FAM227A: variants seen among roughly 807,000 people sequenced by gnomAD.
FAM227A encodes the protein protein FAM227A.
In FAM227A, 80 loss-of-function variants were observed where a neutral mutation model predicts 74.7. That is an observed-to-expected ratio of 1.07 (90% CI 0.89 to 1.29). The LOEUF is 1.29. Ranked by LOEUF, FAM227A falls within the 50% of genes most tolerant of loss-of-function variation. The probability of loss-of-function intolerance (pLI) is 0.00; values close to 1 mark genes in which losing one functional copy is unlikely to be tolerated. For missense variants in FAM227A, 654 were observed against 683.4 expected (o/e 0.96, Z 0.48); for synonymous variants, 237 against 241.8 (o/e 0.98, Z 0.19).
intron 4 of FAM227A, among the ~76,000 whole-genome samples, chr22:38,639,353 G>A (rs1438304582): frequency 6.6e-6 from 1 of 150,722 alleles, no homozygotes; most frequent in East Asian, 2.0e-4. Flanking sequence ...AGGTTGCAGT[G>A]AGCAGAGATT....
At chr22:38,597,859 C>A (rs2091081725) in intron 14 of FAM227A, among the ~76,000 whole-genome samples, 1 of 152,008 alleles carries the variant, frequency 6.6e-6, no homozygotes, top group Non-Finnish European at 1.5e-5. Context: ...CTGGCTAACA[C>A]TGTGAAATCC....
In FAM227A at chr22:38,582,149, A is replaced by G. The variant is rs1204819252; in HGVS notation, c.*3976T>C. Reference sequence around the variant, plus strand: ...ATACACCCATGAGCCATTCACCACAATCAAGATAGTAGACATATCTGTCAC... The same window carrying G: ...ATACACCCATGAGCCATTCACCACAGTCAAGATAGTAGACATATCTGTCAC... On this transcript the variant is annotated 3_prime_UTR_variant, in exon 17 of 17. Transcript: ENST00000535113. 1.7e-6 allele frequency: 1 copy of G among 596,310 alleles called. No homozygotes were observed. Among genetic ancestry groups the G allele is most frequent in the East Asian group, 2.8e-5 (1 of 35,878 alleles). The allele number at this position is 596,310 out of a possible 1,614,324, so 36.9% of individuals were successfully genotyped here.
At chr22:38,648,057 C>T (rs1166529179) in intron 2 of FAM227A, among the ~76,000 whole-genome samples, 2 of 151,992 alleles carry the variant, frequency 1.3e-5, no homozygotes, top group Non-Finnish European at 2.9e-5. Flanking sequence ...AAATGAGCTC[C>T]ACAGGAGATG....
chr22:38,630,235 T>A (rs551208717), intron 6 of FAM227A, among the ~76,000 whole-genome samples: 1 of 152,366 alleles, frequency 6.6e-6, no homozygotes, highest in East Asian at 1.9e-4. Context: ...CCGGTGGCAT[T>A]GCCCTGCAGC....
chr22:38,623,052 G>T, intron 10 of FAM227A, 120 bp downstream of exon 10: 1 of 679,898 alleles, frequency 1.5e-6, no homozygotes, highest in Non-Finnish European at 2.5e-6. Context: ...GCTAATTTGG[G>T]GGTACCCGAG....
intron 3 of FAM227A, among the ~76,000 whole-genome samples, chr22:38,640,179 G>A (rs1603048842): frequency 6.6e-6 from 1 of 151,816 alleles, no homozygotes; most frequent in African/African-American, 2.4e-5. Flanking sequence ...GACTACAGGC[G>A]CCTGCCACCA....
At chr22:38,642,956 AC>A (rs1479178036) in intron 3 of FAM227A, among the ~76,000 whole-genome samples, 2 of 152,150 alleles carry the variant, frequency 1.3e-5, no homozygotes, top group East Asian at 1.9e-4. Flanking sequence ...AAACAAAAAA[AC>A]AACCCAAAAC....
At chr22:38,593,524 AC>A (rs1195098000) in intron 15 of FAM227A, among the ~76,000 whole-genome samples, 1 of 152,090 alleles carries the variant, frequency 6.6e-6, no homozygotes, top group Non-Finnish European at 1.5e-5. Context: ...ACAAAACAAA[AC>A]AAAAAAAGAA....
At chr22:38,637,962 T>C (rs1295185010) in intron 5 of FAM227A, among the ~76,000 whole-genome samples, 1 of 151,974 alleles carries the variant, frequency 6.6e-6, no homozygotes, top group African/African-American at 2.4e-5. Context: ...AGGTCAAGAG[T>C]TCGAGACCAG....
At chr22:38,628,445 T>C in intron 7 of FAM227A, 103 bp from the exon 8 acceptor site, 1 of 746,530 alleles carries the variant, frequency 1.3e-6, no homozygotes, top group Admixed American at 2.6e-5. Context: ...CCAAGAATCT[T>C]ATTCTCAAGA....
chr22:38,614,629 A>G (rs1365696268), intron 11 of FAM227A, among the ~76,000 whole-genome samples: 3 of 152,142 alleles, frequency 2.0e-5, no homozygotes, highest in African/African-American at 7.2e-5. Context: ...CCCACCACAA[A>G]ACCCAATTAC....
intron 13 of FAM227A, among the ~76,000 whole-genome samples, chr22:38,602,060 G>C (rs16999135): frequency 0.079 from 12,085 of 152,106 alleles, 648 homozygotes; most frequent in East Asian, 0.19. Context: ...TACCTTAATG[G>C]AACAAAAATT....
chr22:38,599,241 G>A (rs544419703), intron 14 of FAM227A, among the ~76,000 whole-genome samples: 11 of 152,172 alleles, frequency 7.2e-5, no homozygotes, highest in East Asian at 1.9e-4. Context: ...GATTACAGGC[G>A]TGAGCTACCA....
chr22:38,625,617 G>GC (rs960040476), intron 9 of FAM227A, among the ~76,000 whole-genome samples: 1 of 151,874 alleles, frequency 6.6e-6, no homozygotes, highest in Non-Finnish European at 1.5e-5. Flanking sequence ...TTAGGATATG[G>GC]CCCCTCACTC....
At chr22:38,590,152 G>A (rs1169045398) in intron 16 of FAM227A, among the ~76,000 whole-genome samples, 4 of 151,360 alleles carry the variant, frequency 2.6e-5, no homozygotes, top group Non-Finnish European at 4.4e-5. Context: ...GGTGGCACGC[G>A]CCTGTAGTCC....
rs762882588 is a variant in FAM227A at position 38,628,940 on chromosome 22, G to GA, written c.520-6dup. ...TTCTCTACCTGAACAGAAATGCTTG[G>GA]AAAAAAAAATTCACAGTATTATTAT... On this transcript the variant is annotated splice_polypyrimidine_tract_variant and splice_region_variant and intron_variant, in intron 6 of 16. Transcript: ENST00000535113. 667 of 1,423,648 alleles carry GA rather than the reference G, an allele frequency of 4.7e-4. No homozygotes were observed. The highest frequency in any genetic ancestry group is 5.4e-4 in the Non-Finnish European group (568 of 1,055,674). The allele number at this position is 1,423,648 out of a possible 1,614,324, so 88.2% of individuals were successfully genotyped here. A position where few individuals can be genotyped will look rare whatever the true frequency, so the allele number is the denominator to read the frequency against.
chr22:38,634,793 G>A (rs957648786), intron 6 of FAM227A, among the ~76,000 whole-genome samples: 2 of 152,268 alleles, frequency 1.3e-5, no homozygotes, highest in African/African-American at 4.8e-5. Flanking sequence ...AGAGACCAGC[G>A]CCCCTTCCAC....
chr22:38,630,510 G>A (rs1407105185), intron 6 of FAM227A, among the ~76,000 whole-genome samples: 3 of 152,186 alleles, frequency 2.0e-5, no homozygotes, highest in Non-Finnish European at 2.9e-5. Context: ...ACATGGAGAT[G>A]GTCATGGTCC....
intron 9 of FAM227A, among the ~76,000 whole-genome samples, chr22:38,623,887 T>C (rs894470434): frequency 1.8e-4 from 27 of 152,234 alleles, no homozygotes; most frequent in African/African-American, 6.5e-4. Context: ...TGTTTGACAG[T>C]GATGCTTCCA....
Sources: gnomAD v4.1 joint callset for allele counts (sites outside exome capture counted in the v4.1 genomes callset) on GRCh38, gnomAD v4.1.1 for gene constraint, MANE v1.5 for transcripts, NCBI Gene and HGNC (gene_info 2026-07-23, HGNC 2026-07-21) for gene names.